RLF: variants seen among roughly 807,000 people sequenced by gnomAD.
The protein encoded by RLF is zinc finger protein Rlf.
RLF carries 7 observed loss-of-function variants against 162.9 expected under a neutral mutation model. That is an observed-to-expected ratio of 0.04 (90% CI 0.02 to 0.08). RLF has a LOEUF of 0.08. RLF is among the 10% of genes least tolerant of loss of function. RLF has a pLI of 1.00. For missense variants in RLF, 1,664 were observed against 2,244.7 expected (o/e 0.74, Z 5.23); for synonymous variants, 782 against 791.5 (o/e 0.99, Z 0.20).
intron 1 of RLF, among the ~76,000 whole-genome samples, chr1:40,188,631 G>A (rs1339722516): frequency 7.1e-6 from 1 of 140,434 alleles, no homozygotes; most frequent in Non-Finnish European, 1.6e-5. Flanking sequence ...AAAAAAAAAA[G>A]GATTTTATGG....
intron 1 of RLF, among the ~76,000 whole-genome samples, chr1:40,176,319 CATCA>C (rs765319279): frequency 2.6e-5 from 4 of 152,246 alleles, no homozygotes; most frequent in Non-Finnish European, 5.9e-5. Flanking sequence ...TTTACATTCA[CATCA>C]GCGCTGTATG....
chr1:40,200,936 A>ACACACG (rs1642706606), intron 4 of RLF, among the ~76,000 whole-genome samples: 1 of 112,644 alleles, frequency 8.9e-6, no homozygotes, highest in Admixed American at 9.9e-5. Context: ...ACACACACAC[A>ACACACG]CACTGGTTTA....
intron 1 of RLF, among the ~76,000 whole-genome samples, chr1:40,167,364 A>G (rs558866197): frequency 1.3e-5 from 2 of 152,368 alleles, no homozygotes; most frequent in East Asian, 3.9e-4. Context: ...TAGAAACTAC[A>G]TGACAAGTAG....
At chr1:40,166,518 G>A (rs1041176410) in intron 1 of RLF, among the ~76,000 whole-genome samples, 1 of 151,872 alleles carries the variant, frequency 6.6e-6, no homozygotes, top group African/African-American at 2.4e-5. Flanking sequence ...ATACCCAAAG[G>A]ATTATAAATC....
intron 5 of RLF, among the ~76,000 whole-genome samples, chr1:40,221,607 A>T (rs888219328): frequency 3.1e-5 from 4 of 129,712 alleles, no homozygotes; most frequent in Non-Finnish European, 6.8e-5. Flanking sequence ...GCTCTGATGC[A>T]AAAAAAAAAA....
chr1:40,169,038 A>C (rs1227089913), intron 1 of RLF, among the ~76,000 whole-genome samples: 1 of 152,192 alleles, frequency 6.6e-6, no homozygotes. Context: ...CATTTATATA[A>C]TAAAACTCAT....
intron 1 of RLF, among the ~76,000 whole-genome samples, chr1:40,175,947 C>G (rs1344231781): frequency 6.6e-6 from 1 of 152,088 alleles, no homozygotes; most frequent in Admixed American, 6.6e-5. Flanking sequence ...CCCATCCCCA[C>G]TTAACTACTG....
chr1:40,200,572 A>G (rs1203113663), intron 4 of RLF, among the ~76,000 whole-genome samples: 1 of 152,118 alleles, frequency 6.6e-6, no homozygotes, highest in Admixed American at 6.6e-5. Context: ...AATAACCTGT[A>G]TCATATATTA....
Position 40,237,446 on chromosome 1 carries a change from C to G in RLF, c.2744C>G (p.Thr915Arg). The G allele has an allele frequency of 6.2e-7, 1 of 1,614,006 alleles. No individual in the cohort carries two copies. Among genetic ancestry groups the G allele is most frequent in the Non-Finnish European group, 8.5e-7 (1 of 1,179,950 alleles). ...SASMNEELID[T>R]LDHSETMQDV... Reference sequence around the variant, plus strand: ...TCAATGAATGAAGAGCTAATTGACACACTAGATCACTCTGAAACTATGCAG... The same window carrying G: ...TCAATGAATGAAGAGCTAATTGACAGACTAGATCACTCTGAAACTATGCAG... Residue 915 changes from threonine (T) to arginine (R), a missense_variant, in exon 8 of 8, where the codon ACA (threonine) becomes AGA (arginine). By Grantham distance (71) the Thr-to-Arg change is moderately conservative. Coordinates refer to ENST00000372771, the MANE Select transcript of RLF (RefSeq NM_012421.4). This position sits in a 1 kb window ranked among gnomAD's most constrained non-coding sequence, Gnocchi z 4.4.
intron 1 of RLF, among the ~76,000 whole-genome samples, chr1:40,171,395 T>G (rs1463079349): frequency 6.6e-6 from 1 of 152,212 alleles, no homozygotes; most frequent in Non-Finnish European, 1.5e-5. Context: ...GCACAATTTC[T>G]TATTAATGTG....
Position 40,161,591 on chromosome 1 carries a change from G to C in RLF, c.192G>C (p.Glu64Asp). The C allele has an allele frequency of 1.2e-6, 2 of 1,613,286 alleles. No homozygotes were observed. Among genetic ancestry groups the C allele is most frequent in the East Asian group, 2.2e-5 (1 of 44,800 alleles). The change falls in exon 1 of 8, where the codon GAG (glutamate) becomes GAC (aspartate). Residue 64 changes from glutamate to aspartate, a missense_variant. By Grantham distance (45) the Glu-to-Asp change is conservative. Around this residue, in one of 15 missense-constraint regions of RLF, gnomAD observed 134 missense variants for 124.3 expected, o/e 1.08. Coordinates refer to ENST00000372771, the MANE Select transcript of RLF (RefSeq NM_012421.4). This position sits in a 1 kb window ranked among gnomAD's most constrained non-coding sequence, Gnocchi z 4.4. The stretch of plus-strand genomic sequence containing the variant: ...TGGAGACAGAGCTGAGGGAGCAAGA[G>C]GTGTCGGAGGTCTCATCTTTGAACT... ...WQLETELREQ[E>D]VSEVSSLNYC...
At chr1:40,170,365 C>T (rs1642226255) in intron 1 of RLF, among the ~76,000 whole-genome samples, 1 of 152,072 alleles carries the variant, frequency 6.6e-6, no homozygotes, top group Non-Finnish European at 1.5e-5. Flanking sequence ...CAGGCTTAGG[C>T]AGTTGTCCCA....
At chr1:40,217,575 C>T (rs1642941102) in intron 5 of RLF, among the ~76,000 whole-genome samples, 1 of 152,110 alleles carries the variant, frequency 6.6e-6, no homozygotes, top group South Asian at 2.1e-4. Context: ...AGTTCGAGAC[C>T]AGCCTGGGCA....
intron 1 of RLF, among the ~76,000 whole-genome samples, chr1:40,174,619 TA>T (rs769676999): frequency 1.3e-5 from 2 of 152,220 alleles, no homozygotes; most frequent in African/African-American, 2.4e-5. Flanking sequence ...ATTAATCTTT[TA>T]AAAGTATGTT....
Position 40,239,400 on chromosome 1 carries a change from T to C in RLF, c.4698T>C (p.Ile1566=). ...CLSVVKLESS[I]VRHYKRTHQM... ...CTGTGGTGAAGTTGGAGAGCAGCAT[T>C]GTGAGGCATTACAAACGCACTCATC... Residue 1566 remains isoleucine, a synonymous_variant, in exon 8 of 8, where the codon ATT becomes ATC. Transcript: ENST00000372771. 1 of 1,613,976 alleles carries C rather than the reference T, an allele frequency of 6.2e-7. No homozygotes were observed. The highest frequency in any genetic ancestry group is 8.5e-7 in the Non-Finnish European group (1 of 1,180,034).
At position 40,239,911 on chromosome 1, in the gene RLF, A is replaced by G. The variant is rs1643270609; in HGVS notation, c.5209A>G (p.Asn1737Asp). 5 of 1,613,604 alleles carry G rather than the reference A, an allele frequency of 3.1e-6. No homozygotes were observed. The highest frequency in any genetic ancestry group is 4.2e-6 in the Non-Finnish European group (5 of 1,180,044). ...ETRQHSSGQENTVKNPTHVPK... is the reference protein window; with the variant it reads ...ETRQHSSGQEDTVKNPTHVPK... ...TAGGCAGCATAGTTCAGGGCAAGAA[A>G]ACACTGTAAAAAATCCAACCCATGT... Residue 1737 changes from asparagine to aspartate, a missense_variant, in exon 8 of 8, where the codon AAC (asparagine) becomes GAC (aspartate). Asn to Asp is a conservative substitution (Grantham distance 23). Transcript: ENST00000372771.
At chr1:40,190,972 T>C in intron 3 of RLF, 119 bp downstream of exon 3, 1 of 501,268 alleles carries the variant, frequency 2.0e-6, no homozygotes, top group South Asian at 4.2e-5. Flanking sequence ...TGATATTAGG[T>C]CATGAAATGA....
In RLF at chr1:40,161,695, C is replaced by T. The variant is rs1376738253; in HGVS notation, c.237+59C>T. 3 of 1,586,914 alleles carry T rather than the reference C, an allele frequency of 1.9e-6. No individual in the cohort carries two copies. Among genetic ancestry groups the T allele is most frequent in the East Asian group, 2.3e-5 (1 of 43,420 alleles). Reference sequence around the variant, plus strand: ...GGCGGGGAAGTCAGGGAAGGAGGCCCTGGATCCTCTGTAAGCAGCCGGGTC... The same window carrying T: ...GGCGGGGAAGTCAGGGAAGGAGGCCTTGGATCCTCTGTAAGCAGCCGGGTC... On this transcript the variant is annotated intron_variant, in intron 1 of 7. Coordinates refer to ENST00000372771, the MANE Select transcript of RLF (RefSeq NM_012421.4). This position sits in a 1 kb window ranked among gnomAD's most constrained non-coding sequence, Gnocchi z 4.4.
chr1:40,200,866 CTACACACACACACACACACA>C (rs1375284138), intron 4 of RLF, among the ~76,000 whole-genome samples: 1 of 107,740 alleles, frequency 9.3e-6, no homozygotes, highest in Non-Finnish European at 1.9e-5. Flanking sequence ...CATTGCTACT[CTACACACACACACACACACA>C]CACACACACA....
Sources: allele counts gnomAD v4.1 joint callset (sites outside exome capture counted in the v4.1 genomes callset), GRCh38; gene constraint gnomAD v4.1.1; regional missense constraint gnomAD v4.1.1; non-coding constraint Gnocchi (gnomAD v3.1); transcripts MANE v1.5; gene names NCBI Gene and HGNC (gene_info 2026-07-23, HGNC 2026-07-21).